Variants in ANTXR2 observed in about 807,000 individuals in gnomAD.
ANTXR2 encodes ANTXR cell adhesion molecule 2.
Under a neutral mutation model 73.7 loss-of-function variants are expected in ANTXR2, and 44 were observed. That is an observed-to-expected ratio of 0.60 (90% confidence interval 0.47 to 0.77). ANTXR2 has a LOEUF of 0.77. Among genes scored for constraint, ANTXR2 ranks in the 30% least tolerant of loss-of-function variants. ANTXR2 has a pLI of 0.00. For missense variants in ANTXR2, 604 were observed against 592.5 expected (o/e 1.02, Z -0.20); for synonymous variants, 217 against 205.9 (o/e 1.05, Z -0.46).
intron 16 of ANTXR2, among the ~76,000 whole-genome samples, chr4:79,959,111 T>G (rs1729047885): frequency 6.6e-6 from 1 of 152,090 alleles, no homozygotes; most frequent in African/African-American, 2.4e-5. Flanking sequence ...AGCCTTCATT[T>G]GTTCAAAATT....
chr4:79,922,646 T>C (rs560423385), intron 16 of ANTXR2, among the ~76,000 whole-genome samples: 1 of 152,146 alleles, frequency 6.6e-6, no homozygotes, highest in Middle Eastern at 3.4e-3. Flanking sequence ...AAAGAACAGT[T>C]TGCTTCTTGA....
At chr4:80,005,944 C>T (rs149085789) in intron 12 of ANTXR2, among the ~76,000 whole-genome samples, 3 of 152,226 alleles carry the variant, frequency 2.0e-5, no homozygotes, top group African/African-American at 7.2e-5. Flanking sequence ...TGCCAAAATC[C>T]AAACCATCAT....
chr4:79,919,905 ATATATATATATATAT>A (rs1727520847), intron 16 of ANTXR2, among the ~76,000 whole-genome samples: 2 of 17,584 alleles, frequency 1.1e-4, no homozygotes, highest in Non-Finnish European at 2.4e-4. Context: ...ATATATATAT[ATATATATATATATAT>A]AAAAAATGAT....
intron 16 of ANTXR2, among the ~76,000 whole-genome samples, chr4:79,974,480 T>C (rs572044333): frequency 1.3e-5 from 2 of 152,226 alleles, no homozygotes; most frequent in South Asian, 2.1e-4. Context: ...TAAAAGTCAA[T>C]TATATTTTAT....
chr4:80,038,895 C>A (rs561128398), intron 7 of ANTXR2, among the ~76,000 whole-genome samples: 170 of 152,076 alleles, frequency 1.1e-3, no homozygotes, highest in African/African-American at 3.8e-3. Context: ...TAGTGCATAA[C>A]TCAACTCTTC....
intron 2 of ANTXR2, among the ~76,000 whole-genome samples, chr4:80,070,827 A>G (rs1734752852): frequency 6.6e-6 from 1 of 152,010 alleles, no homozygotes; most frequent in Non-Finnish European, 1.5e-5. Flanking sequence ...TGTCCTTTCC[A>G]TTATCTTGAT....
At chr4:79,936,540 T>C (rs945213360) in intron 16 of ANTXR2, among the ~76,000 whole-genome samples, 1 of 150,666 alleles carries the variant, frequency 6.6e-6, no homozygotes, top group Non-Finnish European at 1.5e-5. Flanking sequence ...TTCAAGGTAA[T>C]TTATGTCCTC....
intron 3 of ANTXR2, among the ~76,000 whole-genome samples, chr4:80,066,966 G>A (rs1157530581): frequency 6.6e-6 from 1 of 152,180 alleles, no homozygotes; most frequent in Non-Finnish European, 1.5e-5. Context: ...GGGAGGCCGA[G>A]GCGGACGGAT....
intron 16 of ANTXR2, among the ~76,000 whole-genome samples, chr4:79,923,474 G>A (rs1727665019): frequency 6.6e-6 from 1 of 152,006 alleles, no homozygotes; most frequent in Non-Finnish European, 1.5e-5. Context: ...GGATGCAAGT[G>A]TTCTAAACCA....
intron 16 of ANTXR2, among the ~76,000 whole-genome samples, chr4:79,952,809 CTTA>C (rs1302745336): frequency 5.3e-5 from 8 of 151,358 alleles, no homozygotes; most frequent in South Asian, 2.1e-4. Context: ...TAAAAACCAT[CTTA>C]TTATTATTAA....
At chr4:80,018,191 T>A (rs1731972139) in intron 11 of ANTXR2, among the ~76,000 whole-genome samples, 1 of 152,202 alleles carries the variant, frequency 6.6e-6, no homozygotes, top group Non-Finnish European at 1.5e-5. Context: ...GATTTACATA[T>A]TTTTTACAAA....
At chr4:79,944,786 G>T (rs1031337710) in intron 16 of ANTXR2, among the ~76,000 whole-genome samples, 2 of 152,166 alleles carry the variant, frequency 1.3e-5, no homozygotes, top group Admixed American at 1.3e-4. Flanking sequence ...AGACTCTTCT[G>T]CCCTTTTGAA....
intron 12 of ANTXR2, among the ~76,000 whole-genome samples, chr4:79,997,141 T>C (rs898148986): frequency 2.6e-5 from 4 of 151,898 alleles, no homozygotes; most frequent in African/African-American, 9.7e-5. Flanking sequence ...GTTCAAGTGA[T>C]ATGGGCATTC....
chr4:79,978,185 A>G lies in ANTXR2; in HGVS notation c.1180-11T>C. On this transcript the variant is annotated splice_polypyrimidine_tract_variant and intron_variant, in intron 14 of 16. Coordinates refer to ENST00000403729, the MANE Select transcript of ANTXR2 (RefSeq NM_058172.6). ...ATCACCCCAACGAACCTGTAAAACA[A>G]AGGGAGAGTACTGTTATCAGACATA... The G allele has an allele frequency of 6.2e-7, 1 of 1,613,310 alleles. No homozygotes were observed. Among genetic ancestry groups the G allele is most frequent in the Non-Finnish European group, 8.5e-7 (1 of 1,179,506 alleles).
At chr4:79,999,191 C>T (rs1436152897) in intron 12 of ANTXR2, among the ~76,000 whole-genome samples, 1 of 151,976 alleles carries the variant, frequency 6.6e-6, no homozygotes, top group African/African-American at 2.4e-5. Context: ...CAAATCTCAT[C>T]TCGAATTGTA....
intron 12 of ANTXR2, among the ~76,000 whole-genome samples, chr4:79,985,109 G>A (rs1730074406): frequency 6.6e-6 from 1 of 152,030 alleles, no homozygotes; most frequent in Non-Finnish European, 1.5e-5. Context: ...AGCACTTTGG[G>A]AAGCCGAGGG....
At chr4:79,980,525 C>G (rs1729840340) in intron 14 of ANTXR2, among the ~76,000 whole-genome samples, 1 of 152,152 alleles carries the variant, frequency 6.6e-6, no homozygotes. Flanking sequence ...ATTCTTCCAA[C>G]TCCACTTGGC....
At chr4:79,927,012 T>C (rs1161084259) in intron 16 of ANTXR2, among the ~76,000 whole-genome samples, 1 of 142,738 alleles carries the variant, frequency 7.0e-6, no homozygotes, top group Non-Finnish European at 1.5e-5. Flanking sequence ...CACGTGTGCA[T>C]ATATACATAT....
intron 3 of ANTXR2, among the ~76,000 whole-genome samples, chr4:80,065,894 C>T (rs1401057273): frequency 6.6e-6 from 1 of 152,214 alleles, no homozygotes; most frequent in Non-Finnish European, 1.5e-5. Flanking sequence ...TCCTCACACA[C>T]TCTGATCTAT....
Sources: gnomAD v4.1 joint callset for allele counts (sites outside exome capture counted in the v4.1 genomes callset) on GRCh38, gnomAD v4.1.1 for gene constraint, MANE v1.5 for transcripts, NCBI Gene and HGNC (gene_info 2026-07-23, HGNC 2026-07-21) for gene names.